The following PCDHA2 variants were observed in gnomAD, a reference collection of about 807,000 sequenced individuals.
PCDHA2 encodes protocadherin alpha-2.
PCDHA2 carries 58 observed loss-of-function variants against 66.0 expected under a neutral mutation model. The observed-to-expected ratio is 0.88, with a 90% CI of 0.71 to 1.09. The LOEUF (loss-of-function observed/expected upper bound fraction) is 1.09. PCDHA2 is among the 50% of genes least tolerant of loss of function. PCDHA2 has a pLI of 0.00. For missense variants in PCDHA2, 1,267 were observed against 1,242.3 expected (o/e 1.02, Z -0.30); for synonymous variants, 634 against 554.0 (o/e 1.14, Z -2.03).
intron 1 of PCDHA2, chr5:140,843,794 T>G: frequency 7.3e-7 from 1 of 1,365,430 alleles, no homozygotes; most frequent in East Asian, 2.3e-5. Flanking sequence ...CAGATTTAGT[T>G]TTTCACCGTA....
chr5:140,834,409 C>T (rs2150217049), intron 1 of PCDHA2: 3 of 1,610,410 alleles, frequency 1.9e-6, no homozygotes, highest in African/African-American at 2.7e-5. Context: ...GGATACGACC[C>T]AGGGGGCCGA....
chr5:140,870,918 G>A, intron 1 of PCDHA2: 1 of 1,613,956 alleles, frequency 6.2e-7, no homozygotes, highest in Non-Finnish European at 8.5e-7. Context: ...ACAACGCGTG[G>A]CTTTCATATG....
At chr5:140,858,581 T>C in intron 1 of PCDHA2, 1 of 1,350,098 alleles carries the variant, frequency 7.4e-7, no homozygotes, top group South Asian at 1.4e-5. Context: ...CTTTGTAATA[T>C]AATTTATTCC....
At chr5:140,936,418 T>G (rs2090950050) in intron 1 of PCDHA2, among the ~76,000 whole-genome samples, 1 of 152,222 alleles carries the variant, frequency 6.6e-6, no homozygotes, top group African/African-American at 2.4e-5. Context: ...ATGTTACTAA[T>G]TTTAATTAAT....
intron 1 of PCDHA2, among the ~76,000 whole-genome samples, chr5:140,819,477 A>G (rs1335807902): frequency 6.6e-6 from 1 of 152,148 alleles, no homozygotes; most frequent in Non-Finnish European, 1.5e-5. Context: ...TTACACAATG[A>G]TGCTTAAACA....
At chr5:140,954,297 C>T (rs1369831854) in intron 1 of PCDHA2, among the ~76,000 whole-genome samples, 2 of 152,180 alleles carry the variant, frequency 1.3e-5, no homozygotes, top group African/African-American at 4.8e-5. Flanking sequence ...TGGGTACATA[C>T]CCAGTAATGG....
At chr5:140,843,301 C>A (rs138591837) in intron 1 of PCDHA2, 5 of 1,595,850 alleles carry the variant, frequency 3.1e-6, no homozygotes, top group Middle Eastern at 1.7e-4. Context: ...CTGCGCTGAC[C>A]GCCACGGCCA....
intron 1 of PCDHA2, chr5:140,828,262 G>C (rs2150153262): frequency 6.2e-7 from 1 of 1,614,018 alleles, no homozygotes; most frequent in South Asian, 1.1e-5. Context: ...TGGAGCTGGC[G>C]GAGCTGGTGC....
chr5:140,867,634 A>G (rs2050082134), intron 1 of PCDHA2: 1 of 152,166 alleles, frequency 6.6e-6, no homozygotes, highest in Admixed American at 6.5e-5. Flanking sequence ...TATTTAAGCT[A>G]GAGTGATATT....
chr5:140,836,489 C>T (rs1554135994), intron 1 of PCDHA2: 1 of 1,613,890 alleles, frequency 6.2e-7, no homozygotes, highest in Admixed American at 1.7e-5. Context: ...ACCTGATCAT[C>T]GCCATCTGCG....
intron 1 of PCDHA2, among the ~76,000 whole-genome samples, chr5:140,947,554 G>T (rs977454594): frequency 1.3e-5 from 2 of 151,358 alleles, no homozygotes; most frequent in Non-Finnish European, 3.0e-5. Flanking sequence ...AATTCCGCTG[G>T]GATTTATATT....
chr5:140,969,210 C>T, intron 1 of PCDHA2: 10 of 1,614,184 alleles, frequency 6.2e-6, no homozygotes, highest in Non-Finnish European at 8.5e-6. Flanking sequence ...GGGGCCCAGA[C>T]AGGACCAGGG....
Position 140,834,289 on chromosome 5 carries a change from T to C in PCDHA2, c.2388+36937T>C, listed in dbSNP as rs191856620. Reference sequence around the variant, plus strand: ...CTTTCACTCTTTGGATGCACAACAATGGCCACACATCGAGATTGAAATGAA... The same window carrying C: ...CTTTCACTCTTTGGATGCACAACAACGGCCACACATCGAGATTGAAATGAA... On this transcript the variant is annotated intron_variant, in intron 1 of 3. Coordinates refer to ENST00000526136, the MANE Select transcript of PCDHA2 (RefSeq NM_018905.3). 3.2e-4 allele frequency: 379 copies of C among 1,186,074 alleles called. 1 individual carries two copies. Among genetic ancestry groups the C allele is most frequent in the Non-Finnish European group, 1.5e-4 (124 of 833,276 alleles). The allele number at this position is 1,186,074 out of a possible 1,614,324, so 73.5% of individuals were successfully genotyped here.
Position 140,899,489 on chromosome 5 carries a change from A to G in PCDHA2, c.2389-79460A>G, listed in dbSNP as rs1445369123. 2.0e-5 allele frequency among the ~76,000 whole-genome samples: 3 copies of G among 152,246 alleles called. 1 individual carries two copies. Among genetic ancestry groups the G allele is most frequent in the Non-Finnish European group, 4.4e-5 (3 of 68,052 alleles). On this transcript the variant is annotated intron_variant, in intron 1 of 3. Coordinates refer to ENST00000526136, the MANE Select transcript of PCDHA2 (RefSeq NM_018905.3). ...TTTGGTTCTGTTTATATGCTGGATT[A>G]CATTTATTGATTTGCATATATTGCA...
intron 1 of PCDHA2, chr5:140,830,224 G>A (rs2150182996): frequency 6.2e-7 from 1 of 1,613,900 alleles, no homozygotes; most frequent in Non-Finnish European, 8.5e-7. Flanking sequence ...CCAGCCTGCT[G>A]GTCCTCACGC....
intron 1 of PCDHA2, among the ~76,000 whole-genome samples, chr5:140,953,847 A>G (rs1165540937): frequency 6.6e-6 from 1 of 152,200 alleles, no homozygotes. Flanking sequence ...CCAGGTAAAC[A>G]TGTGCCATGG....
chr5:141,010,034 A>G lies in PCDHA2; in HGVS notation c.*97A>G. On this transcript the variant is annotated 3_prime_UTR_variant, in exon 4 of 4. Transcript: ENST00000526136. Reference sequence around the variant, plus strand: ...CCTGCTCCTTTTTCCTATCTACATGAGCCCTCTTAGAGACCTCAGAAATCT... The same window carrying G: ...CCTGCTCCTTTTTCCTATCTACATGGGCCCTCTTAGAGACCTCAGAAATCT... 6.3e-7 allele frequency: 1 copy of G among 1,582,208 alleles called. No individual in the cohort carries two copies.
chr5:140,967,387 T>A (rs1158599127), intron 1 of PCDHA2: 4 of 1,609,114 alleles, frequency 2.5e-6, no homozygotes, highest in Non-Finnish European at 3.4e-6. Flanking sequence ...GTAAAGTGCT[T>A]GAGCTGGTGC....
chr5:140,823,210 C>T (rs2150123487), intron 1 of PCDHA2: 11 of 1,613,788 alleles, frequency 6.8e-6, no homozygotes, highest in South Asian at 3.3e-5. Flanking sequence ...GGTGTCTGCA[C>T]GGGACGCGGA....
Sources: gnomAD v4.1 joint callset for allele counts (sites outside exome capture counted in the v4.1 genomes callset) on GRCh38, gnomAD v4.1.1 for gene constraint, MANE v1.5 for transcripts, NCBI Gene and HGNC (gene_info 2026-07-23, HGNC 2026-07-21) for gene names.